Variants in CACNA1C observed in about 807,000 individuals in gnomAD.
The protein encoded by CACNA1C is voltage-dependent L-type calcium channel subunit alpha-1C.
CACNA1C carries 30 observed loss-of-function variants against 229.0 expected under a neutral mutation model. The observed-to-expected ratio is 0.13, with a 90% CI of 0.10 to 0.18. The LOEUF (loss-of-function observed/expected upper bound fraction) is 0.18. CACNA1C is among the 10% of genes least tolerant of loss of function. The probability of loss-of-function intolerance (pLI) is 1.00; values close to 1 mark genes in which losing one functional copy is unlikely to be tolerated. For missense variants in CACNA1C, 1,658 were observed against 2,845.0 expected, an observed-to-expected ratio of 0.58 and a Z score of 9.49; for synonymous variants, 1,114 against 1,132.5, an observed-to-expected ratio of 0.98 and a Z score of 0.33.
intron 21 of CACNA1C, among the ~76,000 whole-genome samples, chr12:2,600,160 A>G (rs1485270413): frequency 6.6e-6 from 1 of 152,166 alleles, no homozygotes; most frequent in African/African-American, 2.4e-5. Context: ...GGCACAATTA[A>G]TATGAATTAT....
Position 2,633,810 on chromosome 12 carries a change from A to T in CACNA1C, c.3829-487A>T. 1 of 722,678 alleles carries T rather than the reference A, an allele frequency of 1.4e-6. No homozygotes were observed. The highest frequency in any genetic ancestry group is 2.4e-6 in the Non-Finnish European group (1 of 421,166). The allele number at this position is 722,678 out of a possible 1,614,324, so 44.8% of individuals were successfully genotyped here. A position where few individuals can be genotyped will look rare whatever the true frequency, so the allele number is the denominator to read the frequency against. On this transcript the variant is annotated intron_variant, in intron 29 of 46. Coordinates refer to ENST00000399655, the MANE Select transcript of CACNA1C (RefSeq NM_000719.7). The surrounding 1 kb of genome is among the most constrained non-coding windows in gnomAD (Gnocchi z 5.8). ...TCACTCTCTCTGTTTACCTTCTTTT[A>T]TGTTTTTTTTAATTTCCTGTTTTTA...
At chr12:2,231,883 T>C (rs1313172088) in intron 3 of CACNA1C, among the ~76,000 whole-genome samples, 2 of 152,234 alleles carry the variant, frequency 1.3e-5, no homozygotes, top group African/African-American at 4.8e-5. Context: ...GTAAATCAGC[T>C]GTGTCTATAA....
chr12:2,285,265 A>G lies in CACNA1C; in HGVS notation c.478-163711A>G, dbSNP rs983431383. Among the ~76,000 whole-genome samples the G allele has an allele frequency of 6.6e-6, 1 of 152,200 alleles. No homozygotes were observed. Among genetic ancestry groups the G allele is most frequent in the Non-Finnish European group, 1.5e-5 (1 of 68,040 alleles). ...CTCAACCCTTTACACTGGGCATTCAATGTCATCACATTGATAACTTGAAAT... is the reference window on the plus strand; with the variant it reads ...CTCAACCCTTTACACTGGGCATTCAGTGTCATCACATTGATAACTTGAAAT... On this transcript the variant is annotated intron_variant, in intron 3 of 46. Transcript: ENST00000399655. The surrounding 1 kb of genome is among the most constrained non-coding windows in gnomAD (Gnocchi z 4.2).
At chr12:2,193,457 AAAAAAAC>A (rs748628548) in intron 3 of CACNA1C, among the ~76,000 whole-genome samples, 118 of 152,334 alleles carry the variant, frequency 7.7e-4, no homozygotes, top group Middle Eastern at 3.4e-3. Context: ...CCTGTCTCAA[AAAAAAAC>A]AAAAAACAAA....
At chr12:2,338,094 G>A (rs142481268) in intron 3 of CACNA1C, among the ~76,000 whole-genome samples, 88 of 152,160 alleles carry the variant, frequency 5.8e-4, no homozygotes, top group Middle Eastern at 3.4e-3. Flanking sequence ...ACTACCCCCA[G>A]CATGCCTTTC....
chr12:2,469,921 T>G (rs766438830), intron 5 of CACNA1C, among the ~76,000 whole-genome samples: 5 of 152,230 alleles, frequency 3.3e-5, no homozygotes, highest in Admixed American at 6.5e-5. Context: ...AGCAGGTAGA[T>G]GTAAACTATA....
At chr12:2,010,096 A>G (rs1565914207) in intron 1 of CACNA1C, among the ~76,000 whole-genome samples, 1 of 152,234 alleles carries the variant, frequency 6.6e-6, no homozygotes. Context: ...CCCAGAAGCG[A>G]TACTTTTAAT....
chr12:2,585,971 G>C lies in CACNA1C; in HGVS notation c.2530+67G>C. 1 of 957,666 alleles carries C rather than the reference G, an allele frequency of 1.0e-6. No individual in the cohort carries two copies. Among genetic ancestry groups the C allele is most frequent in the South Asian group, 1.7e-5 (1 of 58,566 alleles). The allele number at this position is 957,666 out of a possible 1,614,324, so 59.3% of individuals were successfully genotyped here. A position where few individuals can be genotyped will look rare whatever the true frequency, so the allele number is the denominator to read the frequency against. On this transcript the variant is annotated intron_variant, in intron 18 of 46. Transcript: ENST00000399655. This position sits in a 1 kb window ranked among gnomAD's most constrained non-coding sequence, Gnocchi z 4.1. Reference sequence around the variant, plus strand: ...GCAGAGATCTAAATTCTAAAGCCACGTGGGAGTGGCCATATATTAGGGACC... The same window carrying C: ...GCAGAGATCTAAATTCTAAAGCCACCTGGGAGTGGCCATATATTAGGGACC...
rs183040029 is a variant in CACNA1C, at chr12:2,044,082, T to G, written c.140-71142T>G. Among the ~76,000 whole-genome samples the G allele has an allele frequency of 8.7e-4, 132 of 152,336 alleles. 1 individual carries two copies. The highest frequency in any genetic ancestry group is 3.1e-3 in the African/African-American group (127 of 41,580). On this transcript the variant is annotated intron_variant, in intron 1 of 46. Transcript: ENST00000682462. ...TTAATAATAAAATAATGGGGTTATA[T>G]TCATCACAAAAAATCATTATGTAAG...
intron 3 of CACNA1C, among the ~76,000 whole-genome samples, chr12:2,246,903 G>A (rs1012084228): frequency 7.9e-5 from 12 of 152,092 alleles, no homozygotes; most frequent in African/African-American, 2.9e-4. Context: ...ATGCATAGCG[G>A]CTGCATCCCT....
intron 5 of CACNA1C, among the ~76,000 whole-genome samples, chr12:2,482,560 G>T (rs2099680544): frequency 6.6e-6 from 1 of 152,210 alleles, no homozygotes; most frequent in Non-Finnish European, 1.5e-5. Context: ...AGTGCTGAGG[G>T]CTGCTGTCGC....
At position 2,030,388 on chromosome 12, in the gene CACNA1C, G is replaced by GTT. The variant is rs5795989; in HGVS notation, c.139+59197_139+59198dup. On this transcript the variant is annotated intron_variant, in intron 1 of 46. Coordinates refer to the CACNA1C transcript ENST00000682462. ...TCAAGATAAAATCTTGCCCAACATA[G>GTT]TTTTTTTTTTTGTTTTAATTTCCTT... Among the ~76,000 whole-genome samples, 741 of 149,650 alleles carry GTT rather than the reference G, an allele frequency of 5.0e-3. 2 individuals are homozygous for GTT. Among genetic ancestry groups the GTT allele is most frequent in the South Asian group, 0.015 (72 of 4,730 alleles).
rs959977721 is a variant in CACNA1C at position 2,054,038 on chromosome 12, A to AGCGC, written c.49+438_49+441dup. Among the ~76,000 whole-genome samples, 1 of 145,872 alleles carries AGCGC rather than the reference A, an allele frequency of 6.9e-6. No individual in the cohort carries two copies. The highest frequency in any genetic ancestry group is 1.5e-5 in the Non-Finnish European group (1 of 65,758). Reference sequence around the variant, plus strand: ...TCGCCCGGCTCGGGGCGCGGCTGGGAGCGCGCGCGCGCGCACCCTGCGCCG... The same window carrying AGCGC: ...TCGCCCGGCTCGGGGCGCGGCTGGGAGCGCGCGCGCGCGCGCGCACCCTGCGCCG... On this transcript the variant is annotated intron_variant, in intron 1 of 46. Coordinates refer to ENST00000399655, the MANE Select transcript of CACNA1C (RefSeq NM_000719.7). The surrounding 1 kb of genome is among the most constrained non-coding windows in gnomAD (Gnocchi z 5.5).
In CACNA1C at chr12:2,192,447, G is replaced by A. The variant is rs376200950; in HGVS notation, c.477+72017G>A. ...CGTGCCTGCGGACTCACAGCAGGCC[G>A]GGCCGGCTCACGTGGGATGGACCCT... On this transcript the variant is annotated intron_variant, in intron 3 of 46. Coordinates refer to ENST00000399655, the MANE Select transcript of CACNA1C (RefSeq NM_000719.7). Among the ~76,000 whole-genome samples, 5 of 152,338 alleles carry A rather than the reference G, an allele frequency of 3.3e-5. No individual in the cohort carries two copies. In the East Asian group the frequency reaches 7.7e-4, roughly 23 times the overall value.
In CACNA1C at chr12:2,262,430, G is replaced by A. The variant is rs140713849; in HGVS notation, c.477+142000G>A. ...CTCCCACCAAGGGAAAAGCAACATT[G>A]ACCAATCAAAAGGCAGGCTCAGTCT... On this transcript the variant is annotated intron_variant, in intron 3 of 46. Transcript: ENST00000399655. Among the ~76,000 whole-genome samples, 3 of 152,332 alleles carry A rather than the reference G, an allele frequency of 2.0e-5. No homozygotes were observed. In the East Asian group the frequency reaches 5.8e-4, roughly 29 times the overall value.
At chr12:2,650,533 GCACTAGCTC>G (rs990473992) in intron 31 of CACNA1C, among the ~76,000 whole-genome samples, 10 of 152,192 alleles carry the variant, frequency 6.6e-5, no homozygotes, top group African/African-American at 2.2e-4. Flanking sequence ...TGGGTGAGCT[GCACTAGCTC>G]CGGATTTGGC....
At chr12:2,265,227 C>A (rs1601385696) in intron 3 of CACNA1C, among the ~76,000 whole-genome samples, 1 of 152,282 alleles carries the variant, frequency 6.6e-6, no homozygotes, top group South Asian at 2.1e-4. Flanking sequence ...CAGTTAGTTA[C>A]CGCAAATGTC....
At chr12:2,454,509 C>T (rs534293584) in intron 4 of CACNA1C, among the ~76,000 whole-genome samples, 2 of 152,334 alleles carry the variant, frequency 1.3e-5, no homozygotes, top group South Asian at 4.1e-4. Context: ...GCCACTGCTG[C>T]CCTCACTCAC....
At chr12:2,249,768 C>T (rs940352876) in intron 3 of CACNA1C, among the ~76,000 whole-genome samples, 3 of 133,886 alleles carry the variant, frequency 2.2e-5, no homozygotes, top group African/African-American at 8.6e-5. Context: ...GCCTTGCCTT[C>T]TCTCTTTTTT....
Sources: allele counts gnomAD v4.1 joint callset (sites outside exome capture counted in the v4.1 genomes callset), GRCh38; gene constraint gnomAD v4.1.1; non-coding constraint Gnocchi (gnomAD v3.1); transcripts MANE v1.5; gene names NCBI Gene and HGNC (gene_info 2026-07-23, HGNC 2026-07-21).